The following KCNG2 variants were observed in gnomAD, a reference collection of about 807,000 sequenced individuals.
The protein encoded by KCNG2 is voltage-gated potassium channel regulatory subunit KCNG2.
Under a neutral mutation model 12.3 loss-of-function variants are expected in KCNG2, and 7 were observed. The ratio of observed to expected loss-of-function variants is 0.57; its 90% CI spans 0.32 to 1.07. The LOEUF (loss-of-function observed/expected upper bound fraction) is 1.07. Ranked by LOEUF, KCNG2 falls within the 50% of genes least tolerant of loss-of-function variation. The pLI is 0.04. For synonymous variants in KCNG2, 414 were observed against 351.4 expected, an observed-to-expected ratio of 1.18 and a Z score of -1.99; for missense variants, 703 against 726.0, an observed-to-expected ratio of 0.97 and a Z score of 0.36.
chr18:79,845,382 C>T (rs976159202), intron 1 of KCNG2, among the ~76,000 whole-genome samples: 2 of 152,092 alleles, frequency 1.3e-5, no homozygotes, highest in African/African-American at 4.8e-5. Flanking sequence ...AGGCGTTCCA[C>T]GGTTTTGGGG....
In KCNG2 at chr18:79,884,392, G is replaced by A. The variant is rs138308030; in HGVS notation, c.625-14648G>A. ...CAGCCCCCACCACTGCTGGATTCCC[G>A]TCCTCCGGTGAGGGCGCCTCTGCTC... On this transcript the variant is annotated intron_variant, in intron 3 of 3. Transcript: ENST00000316249. The surrounding 1 kb of genome is among the most constrained non-coding windows in gnomAD (Gnocchi z 5.5). 6.8e-4 allele frequency among the ~76,000 whole-genome samples: 104 copies of A among 152,280 alleles called. 1 individual carries two copies. In the East Asian group the frequency reaches 0.016, roughly 24 times the overall value.
chr18:79,868,020 C>A (rs762673105), intron 3 of KCNG2, among the ~76,000 whole-genome samples: 1 of 152,202 alleles, frequency 6.6e-6, no homozygotes, highest in Non-Finnish European at 1.5e-5. Flanking sequence ...CTGCCTTCCC[C>A]CGTCGTCCCC....
chr18:79,817,422 GAC>G (rs913084757), intron 1 of KCNG2, among the ~76,000 whole-genome samples: 4 of 152,108 alleles, frequency 2.6e-5, no homozygotes, highest in Non-Finnish European at 4.4e-5. Context: ...GTGCTTGTCA[GAC>G]ACAGTGTCAC....
intron 3 of KCNG2, among the ~76,000 whole-genome samples, chr18:79,873,811 T>G (rs1979960783): frequency 6.6e-6 from 1 of 152,200 alleles, no homozygotes; most frequent in Admixed American, 6.5e-5. Context: ...CGCCTGGGAC[T>G]TGGCGGGGAG....
intron 3 of KCNG2, among the ~76,000 whole-genome samples, chr18:79,883,229 G>A (rs1455884127): frequency 1.3e-5 from 2 of 152,188 alleles, no homozygotes; most frequent in Non-Finnish European, 2.9e-5. Context: ...GAAAGCCAGG[G>A]GTTGGGGGCC....
chr18:79,845,689 C>G (rs1325902063), intron 1 of KCNG2, among the ~76,000 whole-genome samples: 4 of 152,192 alleles, frequency 2.6e-5, no homozygotes, highest in African/African-American at 9.7e-5. Flanking sequence ...CTCTTCTGAA[C>G]AGAACCAAAA....
intron 1 of KCNG2, among the ~76,000 whole-genome samples, chr18:79,798,304 C>T (rs1395647523): frequency 1.3e-5 from 2 of 152,002 alleles, no homozygotes; most frequent in Non-Finnish European, 2.9e-5. Flanking sequence ...GCCGGAGGCG[C>T]TCGCCGGTCT....
chr18:79,812,757 A>G (rs2087501157), intron 1 of KCNG2, among the ~76,000 whole-genome samples: 1 of 152,206 alleles, frequency 6.6e-6, no homozygotes, highest in African/African-American at 2.4e-5. Flanking sequence ...GCTACTCAGG[A>G]GGCTGAGGCG....
chr18:79,866,126 G>A (rs1483037685), intron 3 of KCNG2, among the ~76,000 whole-genome samples: 1 of 149,124 alleles, frequency 6.7e-6, no homozygotes, highest in Non-Finnish European at 1.5e-5. Flanking sequence ...AGAGGTCTGT[G>A]TTCTGAGGTC....
chr18:79,809,733 T>G (rs1445388185), intron 1 of KCNG2, among the ~76,000 whole-genome samples: 2 of 152,222 alleles, frequency 1.3e-5, no homozygotes, highest in Non-Finnish European at 2.9e-5. Context: ...AAGGCAATCT[T>G]CACGCCCACT....
chr18:79,897,800 C>T (rs1234163220), intron 3 of KCNG2, among the ~76,000 whole-genome samples: 1 of 152,034 alleles, frequency 6.6e-6, no homozygotes, highest in Non-Finnish European at 1.5e-5. Flanking sequence ...TCCTCCCCAG[C>T]AACAGTCTCG....
chr18:79,857,267 A>G (rs1300878380), intron 2 of KCNG2, among the ~76,000 whole-genome samples: 4 of 145,840 alleles, frequency 2.7e-5, no homozygotes, highest in African/African-American at 1.0e-4. Flanking sequence ...CTTCTCATGC[A>G]GCGAACTTGG....
intron 1 of KCNG2, among the ~76,000 whole-genome samples, chr18:79,806,888 A>C (rs1212192363): frequency 1.3e-5 from 2 of 152,250 alleles, no homozygotes; most frequent in Non-Finnish European, 2.9e-5. Flanking sequence ...GCATTGACTT[A>C]AGGCTAGAAA....
intron 1 of KCNG2, among the ~76,000 whole-genome samples, chr18:79,828,867 T>C (rs1978288555): frequency 7.3e-6 from 1 of 137,260 alleles, no homozygotes; most frequent in African/African-American, 2.9e-5. Context: ...TGTGTGGGTG[T>C]CTATGTGTGC....
chr18:79,860,493 C>T (rs1315077873), intron 2 of KCNG2, among the ~76,000 whole-genome samples: 2 of 152,178 alleles, frequency 1.3e-5, no homozygotes, highest in Non-Finnish European at 2.9e-5. Context: ...GTTTCAGTTT[C>T]CACTCCTTGG....
intron 1 of KCNG2, among the ~76,000 whole-genome samples, chr18:79,823,689 GT>G (rs1360914732): frequency 6.6e-6 from 1 of 152,084 alleles, no homozygotes; most frequent in Non-Finnish European, 1.5e-5. Context: ...TGCTATATGA[GT>G]TTTTCCCCTT....
At chr18:79,871,546 C>T (rs553000514) in intron 3 of KCNG2, among the ~76,000 whole-genome samples, 14 of 152,246 alleles carry the variant, frequency 9.2e-5, no homozygotes, top group African/African-American at 2.9e-4. Context: ...ACAACAGATC[C>T]AAACTTGAGA....
intron 3 of KCNG2, among the ~76,000 whole-genome samples, chr18:79,892,928 A>G (rs1980799218): frequency 7.3e-6 from 1 of 136,638 alleles, no homozygotes; most frequent in Non-Finnish European, 1.5e-5. Flanking sequence ...TCTGCTTTTG[A>G]TTGGGTTGTT....
chr18:79,885,553 C>G (rs1040313385), intron 3 of KCNG2, among the ~76,000 whole-genome samples: 1 of 152,304 alleles, frequency 6.6e-6, no homozygotes, highest in Non-Finnish European at 1.5e-5. Context: ...ACACTCAGCC[C>G]GGGCGCTCCT....
Sources: gnomAD v4.1 joint callset for allele counts (sites outside exome capture counted in the v4.1 genomes callset) on GRCh38, gnomAD v4.1.1 for gene constraint, Gnocchi (gnomAD v3.1) non-coding constraint, MANE v1.5 for transcripts, NCBI Gene and HGNC (gene_info 2026-07-23, HGNC 2026-07-21) for gene names.